The following TIAM2 variants were observed in gnomAD, a reference collection of about 807,000 sequenced individuals.
TIAM2 encodes the protein TIAM Rac1 associated GEF 2.
TIAM2 carries 80 observed loss-of-function variants against 152.9 expected under a neutral mutation model. That is an observed-to-expected ratio of 0.52 (90% CI 0.44 to 0.63). TIAM2 has a LOEUF of 0.63. Among genes scored for constraint, TIAM2 ranks in the 30% least tolerant of loss-of-function variants. The pLI is 0.00. For missense variants in TIAM2, 1,965 were observed against 2,120.1 expected (o/e 0.93, Z 1.44); for synonymous variants, 804 against 838.0 (o/e 0.96, Z 0.70).
At chr6:155,148,526 T>C (rs774293340) in intron 7 of TIAM2, among the ~76,000 whole-genome samples, 192 bp downstream of exon 7, 4 of 152,216 alleles carry the variant, frequency 2.6e-5, no homozygotes, top group Non-Finnish European at 5.9e-5. Context: ...ATGGGTGATA[T>C]GATATGCTTT....
At chr6:155,232,254 G>A (rs968039735) in intron 15 of TIAM2, among the ~76,000 whole-genome samples, 7 of 149,606 alleles carry the variant, frequency 4.7e-5, no homozygotes, top group African/African-American at 9.9e-5. Context: ...AAAGTCCTTC[G>A]TGCAATTTTT....
rs182699330 is a variant in TIAM2, at chr6:155,158,758, C to T, written c.2029-5657C>T. On this transcript the variant is annotated intron_variant, in intron 7 of 26. Coordinates refer to ENST00000682666, the MANE Select transcript of TIAM2 (RefSeq NM_012454.4). ...TTTTTATAGAGACGGGGTTTCACCA[C>T]GTTGACCAGGCTGCAAGTGTTTTTT... Among the ~76,000 whole-genome samples the T allele has an allele frequency of 1.4e-3, 204 of 147,052 alleles. 1 individual carries two copies. The highest frequency in any genetic ancestry group is 4.9e-3 in the African/African-American group (195 of 39,948).
intron 1 of TIAM2, among the ~76,000 whole-genome samples, chr6:155,081,262 C>T (rs944450050): frequency 3.3e-5 from 5 of 152,104 alleles, no homozygotes; most frequent in African/African-American, 7.2e-5. Context: ...TCTCCATCTG[C>T]TCGTGCATCT....
intron 16 of TIAM2, 107 bp downstream of exon 16, chr6:155,240,816 C>A: frequency 8.7e-7 from 1 of 1,150,868 alleles, no homozygotes; most frequent in Non-Finnish European, 1.2e-6. Context: ...TGCCACTCCC[C>A]AGGGGGGGAC....
At chr6:155,182,400 C>T in intron 13 of TIAM2, 82 bp downstream of exon 13, 2 of 1,211,534 alleles carry the variant, frequency 1.7e-6, no homozygotes, top group South Asian at 2.6e-5. Flanking sequence ...TTTCTTCTTA[C>T]AGTTTTGTCA....
intron 17 of TIAM2, 50 bp downstream of exon 17, chr6:155,244,129 G>GTTTGCC (rs1783194518): frequency 6.4e-7 from 1 of 1,552,772 alleles, no homozygotes; most frequent in African/African-American, 1.4e-5. Context: ...GTTAGTCTCT[G>GTTTGCC]TTTGCCTTTT....
chr6:155,057,115 G>GC lies in TIAM2; in HGVS notation c.-208-33168dup, dbSNP rs1052803073. Among the ~76,000 whole-genome samples, 9 of 130,846 alleles carry GC rather than the reference G, an allele frequency of 6.9e-5. 1 individual carries two copies. The highest frequency in any genetic ancestry group is 4.6e-5 in the Non-Finnish European group (3 of 64,918). 85.8% of individuals were successfully genotyped at this position (130,846 alleles called of 152,430 possible). ...GCAATCTCGGTTCACTGCATCCTCT[G>GC]CCCCCCAGGTTCAAGCGACCCTCTT... On this transcript the variant is annotated intron_variant, in intron 1 of 26. Transcript: ENST00000682666.
chr6:155,014,033 G>A (rs1394579957), intron 1 of TIAM2: 2 of 151,640 alleles, frequency 1.3e-5, no homozygotes, highest in East Asian at 3.9e-4. Context: ...TGTATTTTTA[G>A]TAGAGATCTT....
intron 1 of TIAM2, among the ~76,000 whole-genome samples, chr6:155,028,364 A>G (rs1583157818): frequency 9.0e-6 from 1 of 110,590 alleles, no homozygotes; most frequent in East Asian, 2.2e-4. Context: ...TATACTACAT[A>G]TAATATATAT....
At chr6:155,046,461 G>T (rs569497628) in intron 1 of TIAM2, among the ~76,000 whole-genome samples, 10 of 149,098 alleles carry the variant, frequency 6.7e-5, no homozygotes, top group African/African-American at 2.5e-4. Flanking sequence ...TCAGCCTCCC[G>T]AGTAGCTGGG....
intron 1 of TIAM2, among the ~76,000 whole-genome samples, chr6:155,056,139 G>C (rs1470433852): frequency 6.8e-6 from 1 of 146,180 alleles, no homozygotes; most frequent in Non-Finnish European, 1.5e-5. Flanking sequence ...CTGTCTAATT[G>C]GTTCTAATGG....
chr6:155,230,337 C>T (rs1248656873), intron 15 of TIAM2, among the ~76,000 whole-genome samples: 1 of 152,212 alleles, frequency 6.6e-6, no homozygotes, highest in Non-Finnish European at 1.5e-5. Flanking sequence ...GCCTTCAATT[C>T]CTGACACACT....
In TIAM2 at chr6:155,214,038, G is replaced by A. The variant is rs1383617159; in HGVS notation, c.3168+2731G>A. On this transcript the variant is annotated intron_variant, in intron 15 of 26. Transcript: ENST00000682666. The surrounding 1 kb of genome is among the most constrained non-coding windows in gnomAD (Gnocchi z 5.4). Reference sequence around the variant, plus strand: ...CGGCTACGTGGCTGCAGCAGTACCCGGGAGGGCGGGGCTCCTTCCTGCTCC... The same window carrying A: ...CGGCTACGTGGCTGCAGCAGTACCCAGGAGGGCGGGGCTCCTTCCTGCTCC... Among the ~76,000 whole-genome samples, 1 of 152,202 alleles carries A rather than the reference G, an allele frequency of 6.6e-6. No individual in the cohort carries two copies. Among genetic ancestry groups the A allele is most frequent in the African/African-American group, 2.4e-5 (1 of 41,454 alleles).
intron 1 of TIAM2, among the ~76,000 whole-genome samples, chr6:155,055,268 G>A (rs1056777364): frequency 6.6e-6 from 1 of 152,176 alleles, no homozygotes; most frequent in African/African-American, 2.4e-5. Context: ...TATAACAGCA[G>A]TTTAGACATT....
At chr6:155,102,070 C>T (rs1305801342) in intron 2 of TIAM2, among the ~76,000 whole-genome samples, 2 of 151,588 alleles carry the variant, frequency 1.3e-5, no homozygotes, top group African/African-American at 4.8e-5. Context: ...TATCTTAGCT[C>T]ATTGCAACCT....
intron 1 of TIAM2, among the ~76,000 whole-genome samples, chr6:155,055,093 CTGTT>C (rs765682417): frequency 2.6e-5 from 4 of 152,048 alleles, no homozygotes; most frequent in Non-Finnish European, 5.9e-5. Context: ...TGGGGAGTCA[CTGTT>C]TGGGTGTGTT....
rs530222881 is a variant in TIAM2, at chr6:155,239,096, G to C, written c.3169-1434G>C. ...AAGTTTGACCAACATGCTTGTGTAA[G>C]CTTTCTGCAATATCCAAGGAAAGAA... On this transcript the variant is annotated intron_variant, in intron 15 of 26. Transcript: ENST00000682666. Among the ~76,000 whole-genome samples the C allele has an allele frequency of 8.5e-5, 13 of 152,298 alleles. No homozygotes were observed. The South Asian group carries it at 2.5e-3, about 29-fold the overall frequency.
rs559733404 is a variant in TIAM2 at position 155,007,196 on chromosome 6, C to T, written c.-209+11704C>T. 8.5e-5 allele frequency among the ~76,000 whole-genome samples: 13 copies of T among 152,174 alleles called. No individual in the cohort carries two copies. In the South Asian group the frequency reaches 1.7e-3, roughly 19 times the overall value. ...GGAGTGGAGTCAAGGTCTCTCTTCC[C>T]GTCTCTTTTCCCTGCATGATGCCCC... On this transcript the variant is annotated intron_variant, in intron 1 of 26. Coordinates refer to ENST00000682666, the MANE Select transcript of TIAM2 (RefSeq NM_012454.4).
rs1391793963 is a variant in TIAM2 at position 155,091,160 on chromosome 6, C to G, written c.-118+781C>G. ...TTTTTGGGTTTCAGCTCAAAGTACT[C>G]CCTCTGAAGGACGCTGACCACCCAA... On this transcript the variant is annotated intron_variant, in intron 2 of 26. Coordinates refer to ENST00000682666, the MANE Select transcript of TIAM2 (RefSeq NM_012454.4). 8.5e-5 allele frequency among the ~76,000 whole-genome samples: 13 copies of G among 152,186 alleles called. 2 individuals carry two copies. In the East Asian group the frequency reaches 2.5e-3, roughly 29 times the overall value.
Sources: gnomAD v4.1 joint callset for allele counts (sites outside exome capture counted in the v4.1 genomes callset) on GRCh38, gnomAD v4.1.1 for gene constraint, Gnocchi (gnomAD v3.1) non-coding constraint, MANE v1.5 for transcripts, NCBI Gene and HGNC (gene_info 2026-07-23, HGNC 2026-07-21) for gene names.